The following PTPRO variants were observed in gnomAD, a reference collection of about 807,000 sequenced individuals.
The protein encoded by PTPRO is protein tyrosine phosphatase receptor type O.
PTPRO carries 62 observed loss-of-function variants against 145.2 expected under a neutral mutation model. The ratio of observed to expected loss-of-function variants is 0.43; its 90% CI spans 0.35 to 0.53. The LOEUF (loss-of-function observed/expected upper bound fraction) is 0.53. Among genes scored for constraint, PTPRO ranks in the 20% least tolerant of loss-of-function variants. PTPRO has a pLI of 0.01. For missense variants in PTPRO, 1,345 were observed against 1,482.7 expected, an observed-to-expected ratio of 0.91 and a Z score of 1.53; for synonymous variants, 565 against 514.7, an observed-to-expected ratio of 1.10 and a Z score of -1.32.
chr12:15,559,727 C>G (rs1402954489), intron 16 of PTPRO, among the ~76,000 whole-genome samples: 1 of 152,150 alleles, frequency 6.6e-6, no homozygotes, highest in African/African-American at 2.4e-5. Context: ...AAAGCTTAGT[C>G]TTCACCGGAA....
chr12:15,462,148 G>C (rs1457015428), intron 1 of PTPRO, among the ~76,000 whole-genome samples: 2 of 151,876 alleles, frequency 1.3e-5, no homozygotes, highest in East Asian at 3.9e-4. Context: ...TTTTGAGACG[G>C]CATTTCACCC....
At chr12:15,328,188 C>T (rs1866501132) in intron 1 of PTPRO, among the ~76,000 whole-genome samples, 1 of 151,896 alleles carries the variant, frequency 6.6e-6, no homozygotes, top group Non-Finnish European at 1.5e-5. Flanking sequence ...TCACCAATTA[C>T]TCCTAATGTT....
intron 1 of PTPRO, among the ~76,000 whole-genome samples, chr12:15,420,902 A>AGTATTG (rs1940126169): frequency 2.0e-5 from 3 of 152,202 alleles, no homozygotes; most frequent in Admixed American, 6.5e-5. Context: ...AGTGTCTACC[A>AGTATTG]CATACTAAGT....
chr12:15,365,669 G>A (rs1411640420), intron 1 of PTPRO, among the ~76,000 whole-genome samples: 1 of 152,040 alleles, frequency 6.6e-6, no homozygotes, highest in Admixed American at 6.6e-5. Context: ...TTATTTATCT[G>A]ACATAATGTA....
chr12:15,448,681 C>T (rs1940970968), intron 1 of PTPRO, among the ~76,000 whole-genome samples: 1 of 152,058 alleles, frequency 6.6e-6, no homozygotes, highest in South Asian at 2.1e-4. Flanking sequence ...TGGGTATATA[C>T]CCAAAGGAAA....
rs535852616 is a variant in PTPRO at position 15,433,051 on chromosome 12, A to ATTGTTAATT, written c.76-50920_76-50912dup. On this transcript the variant is annotated intron_variant, in intron 1 of 26. Coordinates refer to ENST00000281171, the MANE Select transcript of PTPRO (RefSeq NM_030667.3). ...CACTCTTTAGTTTAATTAGATCCCA[A>ATTGTTAATT]TTGTTAATTTTTGCTTTTGTCACAA... Among the ~76,000 whole-genome samples the ATTGTTAATT allele has an allele frequency of 9.4e-3, 1,428 of 151,720 alleles. 18 individuals are homozygous for ATTGTTAATT. Among genetic ancestry groups the ATTGTTAATT allele is most frequent in the Middle Eastern group, 0.031 (9 of 292 alleles).
chr12:15,385,902 A>C (rs930824584), intron 1 of PTPRO, among the ~76,000 whole-genome samples: 16 of 151,892 alleles, frequency 1.1e-4, no homozygotes, highest in African/African-American at 3.6e-4. Context: ...AGATATAGAG[A>C]TAAAGGTATA....
At chr12:15,575,194 C>A (rs11056568) in intron 19 of PTPRO, among the ~76,000 whole-genome samples, 33,391 of 151,900 alleles carry the variant, frequency 0.22, 3,829 homozygotes, top group Middle Eastern at 0.27. Context: ...GGGTTTTATT[C>A]GGTGAAAAGG....
At chr12:15,343,007 A>G (rs1591718852) in intron 1 of PTPRO, among the ~76,000 whole-genome samples, 1 of 152,196 alleles carries the variant, frequency 6.6e-6, no homozygotes, top group Non-Finnish European at 1.5e-5. Context: ...ACCCCATCAC[A>G]TTAAAAATAG....
intron 1 of PTPRO, among the ~76,000 whole-genome samples, chr12:15,325,275 G>A (rs1866413412): frequency 6.6e-6 from 1 of 152,156 alleles, no homozygotes; most frequent in Non-Finnish European, 1.5e-5. Flanking sequence ...ATAAGCAGCT[G>A]GATATCAGTG....
At chr12:15,452,224 G>A (rs1215189466) in intron 1 of PTPRO, among the ~76,000 whole-genome samples, 1 of 152,068 alleles carries the variant, frequency 6.6e-6, no homozygotes, top group Non-Finnish European at 1.5e-5. Context: ...ACCTTTATGT[G>A]CATAAATTAG....
rs373782278 is a variant in PTPRO at position 15,358,130 on chromosome 12, G to A, written c.75+35329G>A. ...AAATCATCATTCTCAGTAAACTATC[G>A]CAAGGACAAAAAACCAAACACTCTC... On this transcript the variant is annotated intron_variant, in intron 1 of 26. Coordinates refer to ENST00000281171, the MANE Select transcript of PTPRO (RefSeq NM_030667.3). Among the ~76,000 whole-genome samples, 35 of 149,598 alleles carry A rather than the reference G, an allele frequency of 2.3e-4. No homozygotes were observed. In the East Asian group the frequency reaches 4.8e-3, roughly 20 times the overall value.
At chr12:15,465,443 G>A (rs1208063806) in intron 1 of PTPRO, among the ~76,000 whole-genome samples, 3 of 152,158 alleles carry the variant, frequency 2.0e-5, no homozygotes, top group Non-Finnish European at 4.4e-5. Context: ...CTAACTTGGG[G>A]ACAGAAGAAT....
intron 1 of PTPRO, among the ~76,000 whole-genome samples, chr12:15,413,550 C>G (rs1352131187): frequency 6.6e-6 from 1 of 152,150 alleles, no homozygotes; most frequent in Non-Finnish European, 1.5e-5. Flanking sequence ...CACGGTGGCT[C>G]ACTCCTGTAA....
At chr12:15,507,716 GC>G (rs1942352513) in intron 6 of PTPRO, among the ~76,000 whole-genome samples, 1 of 152,076 alleles carries the variant, frequency 6.6e-6, no homozygotes, top group Non-Finnish European at 1.5e-5. Context: ...CATTTCCCTT[GC>G]ACCATTTACA....
chr12:15,407,004 A>C (rs1180299801), intron 1 of PTPRO, among the ~76,000 whole-genome samples: 1 of 152,196 alleles, frequency 6.6e-6, no homozygotes, highest in African/African-American at 2.4e-5. Flanking sequence ...GAAGTAGTCC[A>C]TGGTTTGGTA....
In PTPRO at chr12:15,355,767, G is replaced by A. The variant is rs544629016; in HGVS notation, c.75+32966G>A. 2.0e-4 allele frequency among the ~76,000 whole-genome samples: 31 copies of A among 152,222 alleles called. No individual in the cohort carries two copies. The East Asian group carries it at 5.8e-3, about 28-fold the overall frequency. ...TAAATTGATAGGGTTAAACATCTTT[G>A]TAAGTATAAACTAAAGTTTTTATGG... On this transcript the variant is annotated intron_variant, in intron 1 of 26. Coordinates refer to ENST00000281171, the MANE Select transcript of PTPRO (RefSeq NM_030667.3).
chr12:15,439,546 G>A (rs74907642), intron 1 of PTPRO: 4 of 246,804 alleles, frequency 1.6e-5, no homozygotes, highest in Non-Finnish European at 3.2e-5. Flanking sequence ...GACGCTGGTG[G>A]AGCGAGGGGG....
intron 1 of PTPRO, among the ~76,000 whole-genome samples, chr12:15,368,904 G>A (rs969799611): frequency 1.3e-5 from 2 of 152,154 alleles, no homozygotes; most frequent in African/African-American, 2.4e-5. Flanking sequence ...TGCTGCAGGG[G>A]CTGGAAAGCA....
Sources: allele counts gnomAD v4.1 joint callset (sites outside exome capture counted in the v4.1 genomes callset), GRCh38; gene constraint gnomAD v4.1.1; transcripts MANE v1.5; gene names NCBI Gene and HGNC (gene_info 2026-07-23, HGNC 2026-07-21).